DPYD: variants seen among roughly 807,000 people sequenced by gnomAD.
DPYD encodes the protein dihydropyrimidine dehydrogenase.
DPYD carries 109 observed loss-of-function variants against 116.2 expected under a neutral mutation model. The ratio of observed to expected loss-of-function variants is 0.94; its 90% CI spans 0.80 to 1.10. The LOEUF is 1.10. DPYD is among the 50% of genes least tolerant of loss of function. DPYD has a pLI of 0.00. For missense variants in DPYD, 1,302 were observed against 1,254.5 expected, an observed-to-expected ratio of 1.04 and a Z score of -0.57; for synonymous variants, 440 against 432.0, an observed-to-expected ratio of 1.02 and a Z score of -0.23.
intron 19 of DPYD, among the ~76,000 whole-genome samples, chr1:97,231,091 T>A (rs1055429129): frequency 2.0e-5 from 3 of 152,240 alleles, no homozygotes; most frequent in African/African-American, 4.8e-5. Flanking sequence ...AGCACACATC[T>A]ACACCCAGGA....
At chr1:97,279,069 T>C (rs562609390) in intron 18 of DPYD, among the ~76,000 whole-genome samples, 3 of 152,116 alleles carry the variant, frequency 2.0e-5, no homozygotes, top group African/African-American at 4.8e-5. Context: ...CATGAGTATA[T>C]TGCATGATGC....
chr1:97,542,704 G>C (rs546675321), intron 12 of DPYD, among the ~76,000 whole-genome samples: 1 of 152,174 alleles, frequency 6.6e-6, no homozygotes, highest in African/African-American at 2.4e-5. Context: ...TTCTTTACTA[G>C]ACAATAGGAT....
At chr1:97,661,894 A>C (rs1659280231) in intron 8 of DPYD, among the ~76,000 whole-genome samples, 1 of 151,834 alleles carries the variant, frequency 6.6e-6, no homozygotes, top group Non-Finnish European at 1.5e-5. Context: ...ACATACATAC[A>C]CACGTGTATA....
chr1:97,266,536 T>G (rs971752812), intron 18 of DPYD, among the ~76,000 whole-genome samples: 3 of 152,194 alleles, frequency 2.0e-5, no homozygotes, highest in African/African-American at 7.2e-5. Flanking sequence ...TTTCTTTTTT[T>G]ATTATTATTA....
intron 3 of DPYD, among the ~76,000 whole-genome samples, chr1:97,783,793 A>G (rs2101223879): frequency 6.6e-6 from 1 of 152,378 alleles, no homozygotes; most frequent in African/African-American, 2.4e-5. Context: ...CAACTCATTC[A>G]GAGAAAGGCT....
chr1:97,398,316 T>C (rs887961217), intron 14 of DPYD, among the ~76,000 whole-genome samples: 2 of 152,208 alleles, frequency 1.3e-5, no homozygotes, highest in African/African-American at 4.8e-5. Context: ...ATGGTGTATA[T>C]GTTCCATATT....
At chr1:97,164,564 ACCT>A (rs1285689858) in intron 20 of DPYD, among the ~76,000 whole-genome samples, 1 of 152,126 alleles carries the variant, frequency 6.6e-6, no homozygotes, top group African/African-American at 2.4e-5. Context: ...CAGCTGATAA[ACCT>A]CTTCTGCAAA....
At chr1:97,243,535 G>A (rs1662518494) in intron 18 of DPYD, among the ~76,000 whole-genome samples, 1 of 151,798 alleles carries the variant, frequency 6.6e-6, no homozygotes. Flanking sequence ...CCAACACCAT[G>A]CTCTTAACCA....
chr1:97,200,927 T>C (rs546997303), intron 19 of DPYD, among the ~76,000 whole-genome samples: 1 of 152,274 alleles, frequency 6.6e-6, no homozygotes, highest in Non-Finnish European at 1.5e-5. Flanking sequence ...GAAGGTGCTA[T>C]GAATTGTTCA....
intron 18 of DPYD, among the ~76,000 whole-genome samples, chr1:97,285,404 A>G (rs1665604897): frequency 6.6e-6 from 1 of 152,160 alleles, no homozygotes; most frequent in African/African-American, 2.4e-5. Context: ...TCATTTCTCT[A>G]TTTTTATCTA....
intron 2 of DPYD, among the ~76,000 whole-genome samples, chr1:97,838,176 T>A (rs775402930): frequency 1.3e-5 from 2 of 152,218 alleles, no homozygotes; most frequent in Non-Finnish European, 2.9e-5. Flanking sequence ...GCAGTCTTTA[T>A]AATAAATTAG....
At chr1:97,429,672 G>A (rs994792888) in intron 14 of DPYD, among the ~76,000 whole-genome samples, 1 of 152,024 alleles carries the variant, frequency 6.6e-6, no homozygotes, top group Non-Finnish European at 1.5e-5. Flanking sequence ...CTGAGAATTA[G>A]TGATAAAGTA....
chr1:97,418,880 C>A (rs1253214648), intron 14 of DPYD, among the ~76,000 whole-genome samples: 2 of 151,984 alleles, frequency 1.3e-5, no homozygotes, highest in Admixed American at 6.6e-5. Context: ...AGCCTAGAAG[C>A]AATGACACTT....
At chr1:97,763,507 G>A (rs939512799) in intron 3 of DPYD, among the ~76,000 whole-genome samples, 30 of 151,850 alleles carry the variant, frequency 2.0e-4, no homozygotes, top group African/African-American at 7.3e-4. Context: ...CATCAAGGCT[G>A]ACCTATCCCT....
intron 12 of DPYD, among the ~76,000 whole-genome samples, chr1:97,524,285 G>A (rs943617153): frequency 6.6e-6 from 1 of 152,278 alleles, no homozygotes; most frequent in African/African-American, 2.4e-5. Context: ...TCCATTAGGG[G>A]TAGGGTCTGT....
Position 97,661,324 on chromosome 1 carries a change from T to G in DPYD, c.850+17771A>C, listed in dbSNP as rs530787348. On this transcript the variant is annotated intron_variant, in intron 8 of 22. Transcript: ENST00000370192. Reference sequence around the variant, plus strand: ...TCCTTCCCCCTCATTTTCTTGTGTGTATACCAATTAGCCTACAATGGTAGA... The same window carrying G: ...TCCTTCCCCCTCATTTTCTTGTGTGGATACCAATTAGCCTACAATGGTAGA... Among the ~76,000 whole-genome samples, 4 of 152,290 alleles carry G rather than the reference T, an allele frequency of 2.6e-5. No homozygotes were observed. In the South Asian group the frequency reaches 8.3e-4, roughly 32 times the overall value.
rs757994597 is a variant in DPYD, at chr1:97,593,352, G to C, written c.994C>G (p.Arg332Gly). ...GCTCCAAGTACAATCACGACTCCCC[G>C]TATCGATGGCAATGGAGAGTGACAG... Reference protein sequence around the residue: ...CACHSPLPSIRGVVIVLGAGD... With the variant: ...CACHSPLPSIGGVVIVLGAGD... Residue 332 changes from arginine (R) to glycine (G), a missense_variant, in exon 10 of 23, where the codon CGG becomes GGG. Physicochemically the swap from Arg to Gly is moderately radical, Grantham distance 125. Transcript: ENST00000370192. 5 of 1,614,068 alleles carry C rather than the reference G, an allele frequency of 3.1e-6. No homozygotes were observed. The highest frequency in any genetic ancestry group is 1.6e-4 in the Middle Eastern group (1 of 6,062).
intron 3 of DPYD, among the ~76,000 whole-genome samples, chr1:97,765,084 T>C (rs1665776953): frequency 6.6e-6 from 1 of 152,170 alleles, no homozygotes; most frequent in Non-Finnish European, 1.5e-5. Flanking sequence ...TTCCTAAACA[T>C]TAAGAGGACC....
chr1:97,586,838 TTAATTGCAA>T (rs1267892406), intron 10 of DPYD, among the ~76,000 whole-genome samples: 1 of 151,956 alleles, frequency 6.6e-6, no homozygotes, highest in African/African-American at 2.4e-5. Flanking sequence ...TGGGGATACA[TTAATTGCAA>T]TTTGTTTTAA....
Sources: allele counts gnomAD v4.1 joint callset (sites outside exome capture counted in the v4.1 genomes callset), GRCh38; gene constraint gnomAD v4.1.1; transcripts MANE v1.5; gene names NCBI Gene and HGNC (gene_info 2026-07-23, HGNC 2026-07-21).